The following CADM2 variants were observed in gnomAD, a reference collection of about 807,000 sequenced individuals.
The protein encoded by CADM2 is immunoglobulin superfamily member 4D.
A neutral mutation model predicts 49.8 loss-of-function variants in CADM2; 12 were observed. The observed-to-expected ratio is 0.24, with a 90% CI of 0.15 to 0.39. CADM2 has a LOEUF of 0.39. Among genes scored for constraint, CADM2 ranks in the 10% least tolerant of loss-of-function variants. The pLI is 1.00. For synonymous variants in CADM2, 214 were observed against 175.4 expected, an observed-to-expected ratio of 1.22 and a Z score of -1.74; for missense variants, 378 against 492.3, an observed-to-expected ratio of 0.77 and a Z score of 2.20.
chr3:85,960,084 T>G (rs1331692554), intron 7 of CADM2, among the ~76,000 whole-genome samples: 1 of 151,848 alleles, frequency 6.6e-6, no homozygotes, highest in African/African-American at 2.4e-5. Context: ...AAATACATAT[T>G]TCTTATATTA....
intron 2 of CADM2, among the ~76,000 whole-genome samples, chr3:85,786,781 G>A (rs2071014726): frequency 6.6e-6 from 1 of 151,986 alleles, no homozygotes; most frequent in African/African-American, 2.4e-5. Flanking sequence ...GCTATCAAGA[G>A]CTTTATACGT....
At chr3:85,917,489 A>C (rs551651550) in intron 6 of CADM2, among the ~76,000 whole-genome samples, 1 of 152,154 alleles carries the variant, frequency 6.6e-6, no homozygotes, top group Non-Finnish European at 1.5e-5. Context: ...GATATGCAGC[A>C]TTATTTCTGA....
intron 1 of CADM2, among the ~76,000 whole-genome samples, chr3:85,158,349 C>T (rs2040207483): frequency 6.6e-6 from 1 of 152,086 alleles, no homozygotes; most frequent in South Asian, 2.1e-4. Flanking sequence ...GGGTATATAC[C>T]CAAAGGACTA....
chr3:85,753,529 A>T (rs959968782), intron 2 of CADM2, among the ~76,000 whole-genome samples: 2 of 149,560 alleles, frequency 1.3e-5, no homozygotes, highest in East Asian at 4.0e-4. Context: ...TGACATACAC[A>T]CACACTGTAC....
Position 85,330,346 on chromosome 3 carries a change from A to G in CADM2, c.61+370678A>G, listed in dbSNP as rs891412395. Among the ~76,000 whole-genome samples the G allele has an allele frequency of 3.9e-5, 6 of 151,954 alleles. 1 individual carries two copies. The highest frequency in any genetic ancestry group is 3.9e-4 in the Admixed American group (6 of 15,262). ...TTATCACCTCTACCATTAATATCAC[A>G]CTTTTTTTCTATTGTTAGTATGTTT... is the stretch of plus-strand genomic sequence containing the variant. On this transcript the variant is annotated intron_variant, in intron 1 of 9. Coordinates refer to ENST00000383699, the MANE Select transcript of CADM2 (RefSeq NM_001167675.2).
chr3:85,604,345 A>G (rs992269067), intron 1 of CADM2, among the ~76,000 whole-genome samples: 2 of 151,916 alleles, frequency 1.3e-5, no homozygotes, highest in Non-Finnish European at 2.9e-5. Context: ...GCTCATTCCC[A>G]CTACCTGATA....
chr3:85,535,319 T>C (rs937442991), intron 1 of CADM2, among the ~76,000 whole-genome samples: 1 of 152,146 alleles, frequency 6.6e-6, no homozygotes, highest in Non-Finnish European at 1.5e-5. Flanking sequence ...TTTATGCACA[T>C]ATGAATACAG....
intron 8 of CADM2, among the ~76,000 whole-genome samples, chr3:86,044,548 C>T (rs905821505): frequency 1.3e-5 from 2 of 152,040 alleles, no homozygotes; most frequent in Non-Finnish European, 2.9e-5. Flanking sequence ...GATCATTAAA[C>T]AGTCAGGAAA....
In CADM2 at chr3:85,483,496, A is replaced by T. The variant is rs187082720; in HGVS notation, c.62-243026A>T. 9.9e-4 allele frequency among the ~76,000 whole-genome samples: 149 copies of T among 151,154 alleles called. 1 individual carries two copies. The highest frequency in any genetic ancestry group is 3.4e-3 in the African/African-American group (143 of 41,454). On this transcript the variant is annotated intron_variant, in intron 1 of 9. Transcript: ENST00000383699. ...TTAGTTTATTGAACTTTGAGAATTGACTTAATTATATTTAACTGATGTACT... is the reference window on the plus strand; with the variant it reads ...TTAGTTTATTGAACTTTGAGAATTGTCTTAATTATATTTAACTGATGTACT...
intron 1 of CADM2, among the ~76,000 whole-genome samples, chr3:85,424,706 G>A (rs1368886887): frequency 1.3e-5 from 2 of 152,056 alleles, no homozygotes; most frequent in African/African-American, 4.8e-5. Context: ...TTCTCTTTGA[G>A]GAAATGTGTT....
At chr3:85,096,895 A>AT (rs1222578477) in intron 1 of CADM2, among the ~76,000 whole-genome samples, 1 of 151,966 alleles carries the variant, frequency 6.6e-6, no homozygotes, top group African/African-American at 2.4e-5. Context: ...CTGTCAAGTT[A>AT]TTTTTTTCTG....
intron 1 of CADM2, among the ~76,000 whole-genome samples, chr3:85,188,456 C>G (rs2041118637): frequency 6.6e-6 from 1 of 151,988 alleles, no homozygotes; most frequent in Non-Finnish European, 1.5e-5. Flanking sequence ...ATAATTATTT[C>G]TGTATTTGCT....
intron 1 of CADM2, among the ~76,000 whole-genome samples, chr3:85,670,747 A>G (rs2065711522): frequency 6.6e-6 from 1 of 152,194 alleles, no homozygotes; most frequent in Admixed American, 6.5e-5. Flanking sequence ...TGACACAAAG[A>G]AGAGAGATGA....
chr3:85,029,148 T>TAGA (rs1426303041), intron 1 of CADM2, among the ~76,000 whole-genome samples: 1 of 151,998 alleles, frequency 6.6e-6, no homozygotes, highest in Non-Finnish European at 1.5e-5. Flanking sequence ...CATATTATTT[T>TAGA]AGAAGTTTTT....
At chr3:85,152,605 T>G (rs1480096449) in intron 1 of CADM2, among the ~76,000 whole-genome samples, 1 of 152,160 alleles carries the variant, frequency 6.6e-6, no homozygotes, top group Non-Finnish European at 1.5e-5. Context: ...GTTTTTCAGT[T>G]CACCATATAG....
At chr3:85,660,832 A>G (rs750557388) in intron 1 of CADM2, among the ~76,000 whole-genome samples, 1 of 151,948 alleles carries the variant, frequency 6.6e-6, no homozygotes, top group Non-Finnish European at 1.5e-5. Flanking sequence ...CAGCATGTAC[A>G]GTGCACTTTT....
chr3:85,162,757 A>G (rs1177573618), intron 1 of CADM2, among the ~76,000 whole-genome samples: 1 of 151,928 alleles, frequency 6.6e-6, no homozygotes, highest in Non-Finnish European at 1.5e-5. Flanking sequence ...ACTTTTGCCT[A>G]TAGATTTTAA....
chr3:85,161,257 T>G, intron 1 of CADM2, among the ~76,000 whole-genome samples: 1 of 152,174 alleles, frequency 6.6e-6, no homozygotes, highest in Non-Finnish European at 1.5e-5. Context: ...TGAATAAGAA[T>G]TTTTGAGAAC....
intron 1 of CADM2, among the ~76,000 whole-genome samples, chr3:85,357,868 A>G (rs1451760127): frequency 6.6e-6 from 1 of 152,146 alleles, no homozygotes; most frequent in Non-Finnish European, 1.5e-5. Flanking sequence ...CACATCAGAC[A>G]TGATTGATAA....
Sources: gnomAD v4.1 joint callset for allele counts (sites outside exome capture counted in the v4.1 genomes callset) on GRCh38, gnomAD v4.1.1 for gene constraint, MANE v1.5 for transcripts, NCBI Gene and HGNC (gene_info 2026-07-23, HGNC 2026-07-21) for gene names.